Variants in RIC1 observed in about 807,000 individuals in gnomAD.
The protein encoded by RIC1 is guanine nucleotide exchange factor subunit RIC1.
Under a neutral mutation model 169.0 loss-of-function variants are expected in RIC1, and 88 were observed. That is an observed-to-expected ratio of 0.52 (90% CI 0.44 to 0.62). The LOEUF (loss-of-function observed/expected upper bound fraction) is 0.62. Ranked by LOEUF, RIC1 falls within the 20% of genes least tolerant of loss-of-function variation. The pLI is 0.00. For synonymous variants in RIC1, 790 were observed against 601.5 expected (o/e 1.31, Z -4.59); for missense variants, 1,877 against 1,725.5 (o/e 1.09, Z -1.56).
At chr9:5,715,907 G>T (rs1046454889) in intron 4 of RIC1, among the ~76,000 whole-genome samples, 1 of 151,726 alleles carries the variant, frequency 6.6e-6, no homozygotes, top group African/African-American at 2.4e-5. Flanking sequence ...AATTGCAGCG[G>T]CATGATCACA....
rs954857392 is a variant in RIC1, at chr9:5,769,366, G to C, written c.3424+110G>C. The C allele has an allele frequency of 3.7e-6, 6 of 1,608,976 alleles. No individual in the cohort carries two copies. The African/African-American group carries it at 4.0e-5, about 11-fold the overall frequency. On this transcript the variant is annotated intron_variant, in intron 22 of 25. Transcript: ENST00000414202. ...AGGAATTATTTTCATTCCAAACTTA[G>C]GAATGGATAAAAGCCAACTTTTTGT...
chr9:5,657,061 T>A (rs1819145141), intron 2 of RIC1, among the ~76,000 whole-genome samples: 1 of 152,182 alleles, frequency 6.6e-6, no homozygotes, highest in African/African-American at 2.4e-5. Context: ...ACATAGCACC[T>A]ATATCCTTTT....
intron 7 of RIC1, among the ~76,000 whole-genome samples, chr9:5,738,057 G>T (rs937468010): frequency 6.6e-6 from 1 of 152,150 alleles, no homozygotes; most frequent in Non-Finnish European, 1.5e-5. Context: ...AACTGTATTC[G>T]CTATCCATGT....
At chr9:5,645,837 T>C (rs1465507622) in intron 1 of RIC1, among the ~76,000 whole-genome samples, 2 of 152,184 alleles carry the variant, frequency 1.3e-5, no homozygotes, top group Non-Finnish European at 2.9e-5. Context: ...CTCTTGGATA[T>C]TGTGAATAAT....
At position 5,629,190 on chromosome 9, in the gene RIC1, C is replaced by T; in HGVS notation, c.-120C>T. 9.3e-7 allele frequency: 1 copy of T among 1,074,588 alleles called. No individual in the cohort carries two copies. The highest frequency in any genetic ancestry group is 1.7e-5 in the African/African-American group (1 of 60,200). 66.6% of individuals were successfully genotyped at this position (1,074,588 alleles called of 1,614,324 possible). Reference sequence around the variant, plus strand: ...CCGGCCAGGCCAGCGGGCAGATGCCCCGAGCTGCCGCCGCCGCCGCCGCCG... The same window carrying T: ...CCGGCCAGGCCAGCGGGCAGATGCCTCGAGCTGCCGCCGCCGCCGCCGCCG... On this transcript the variant is annotated 5_prime_UTR_variant, in exon 1 of 26. Transcript: ENST00000414202.
At chr9:5,643,395 T>C (rs1818345422) in intron 1 of RIC1, among the ~76,000 whole-genome samples, 1 of 152,206 alleles carries the variant, frequency 6.6e-6, no homozygotes, top group Non-Finnish European at 1.5e-5. Flanking sequence ...GACTGTATAC[T>C]ATTTAAATTT....
chr9:5,724,770 C>T (rs916610622), intron 6 of RIC1, among the ~76,000 whole-genome samples: 5 of 152,092 alleles, frequency 3.3e-5, no homozygotes, highest in Non-Finnish European at 4.4e-5. Context: ...GCAGGAAGGA[C>T]TGTTGAATTT....
rs145260963 is a variant in RIC1, at chr9:5,694,790, T to C, written c.332+4752T>C. Among the ~76,000 whole-genome samples the C allele has an allele frequency of 5.6e-3, 562 of 99,640 alleles. 5 individuals are homozygous for C. Among genetic ancestry groups the C allele is most frequent in the African/African-American group, 0.014 (533 of 38,068 alleles). 65.4% of individuals were successfully genotyped at this position (99,640 alleles called of 152,430 possible). On this transcript the variant is annotated intron_variant, in intron 3 of 25. Transcript: ENST00000414202. ...ATAAACGATAAGCAGTTTTGGTTTT[T>C]GGTGGCTTTTTTTTTTTTGGTTCTA...
intron 7 of RIC1, among the ~76,000 whole-genome samples, chr9:5,734,421 T>G (rs927223815): frequency 2.0e-5 from 3 of 152,136 alleles, no homozygotes; most frequent in African/African-American, 7.2e-5. Context: ...AAAAATAGAT[T>G]TAAGAAGATT....
At chr9:5,670,535 A>G (rs1358980202) in intron 2 of RIC1, among the ~76,000 whole-genome samples, 1 of 152,172 alleles carries the variant, frequency 6.6e-6, no homozygotes, top group Non-Finnish European at 1.5e-5. Flanking sequence ...ATTACTGTGC[A>G]GTAGAATTCT....
chr9:5,764,878 G>A (rs1286868215), intron 19 of RIC1, among the ~76,000 whole-genome samples: 1 of 152,090 alleles, frequency 6.6e-6, no homozygotes, highest in Non-Finnish European at 1.5e-5. Context: ...TGTCTATTAG[G>A]CACCTTTCCA....
intron 2 of RIC1, among the ~76,000 whole-genome samples, chr9:5,683,343 AT>A (rs1439964808): frequency 2.1e-4 from 32 of 151,828 alleles, no homozygotes; most frequent in African/African-American, 7.0e-4. Context: ...GTCCTTTCTG[AT>A]TGTTAGTTTT....
intron 17 of RIC1, among the ~76,000 whole-genome samples, chr9:5,761,350 G>A (rs1826328557): frequency 6.6e-6 from 1 of 151,834 alleles, no homozygotes; most frequent in Non-Finnish European, 1.5e-5. Context: ...CTGACCTCGT[G>A]ATCCACCCAC....
In RIC1 at chr9:5,656,708, CTAAA is replaced by C. The variant is rs764540744; in HGVS notation, c.252+21_252+24del. 20 of 1,349,594 alleles carry C rather than the reference CTAAA, an allele frequency of 1.5e-5. No individual in the cohort carries two copies. In the East Asian group the frequency reaches 4.1e-4, roughly 28 times the overall value. 83.6% of individuals were successfully genotyped at this position (1,349,594 alleles called of 1,614,324 possible). ...CTGTATCAGTAAGTAGATTTTACCGCTAAATAGTGTTTTCTTATGAAATCATTAC... is the reference window on the plus strand; with the variant it reads ...CTGTATCAGTAAGTAGATTTTACCGCTAGTGTTTTCTTATGAAATCATTAC... On this transcript the variant is annotated intron_variant, in intron 2 of 25. Coordinates refer to ENST00000414202, the MANE Select transcript of RIC1 (RefSeq NM_020829.4).
intron 3 of RIC1, among the ~76,000 whole-genome samples, chr9:5,693,806 T>G (rs2130731910): frequency 6.6e-6 from 1 of 152,226 alleles, no homozygotes; most frequent in Admixed American, 6.5e-5. Context: ...TCATGTATAC[T>G]TTGTTGAGAG....
intron 2 of RIC1, among the ~76,000 whole-genome samples, chr9:5,688,142 C>T (rs1295788384): frequency 6.6e-6 from 1 of 152,036 alleles, no homozygotes; most frequent in Non-Finnish European, 1.5e-5. Context: ...GTTTTAATGT[C>T]CTTTTGTGCT....
intron 3 of RIC1, among the ~76,000 whole-genome samples, chr9:5,704,689 T>TTA (rs1168131275): frequency 6.6e-6 from 1 of 152,142 alleles, no homozygotes; most frequent in African/African-American, 2.4e-5. Flanking sequence ...GAAGTCCAAT[T>TTA]TATATATATA....
chr9:5,699,986 C>T (rs969512969), intron 3 of RIC1, among the ~76,000 whole-genome samples: 5 of 151,018 alleles, frequency 3.3e-5, no homozygotes, highest in African/African-American at 7.3e-5. Context: ...ACAATTGATC[C>T]GAAACTGCAT....
At chr9:5,714,350 A>C (rs1411056841) in intron 4 of RIC1, among the ~76,000 whole-genome samples, 1 of 152,212 alleles carries the variant, frequency 6.6e-6, no homozygotes, top group East Asian at 1.9e-4. Context: ...TTGTTTCCAA[A>C]GTTGCCATAA....
Sources: allele counts gnomAD v4.1 joint callset (sites outside exome capture counted in the v4.1 genomes callset), GRCh38; gene constraint gnomAD v4.1.1; transcripts MANE v1.5; gene names NCBI Gene and HGNC (gene_info 2026-07-23, HGNC 2026-07-21).